ZNF462: variants seen among roughly 807,000 people sequenced by gnomAD.
ZNF462 encodes zinc finger protein 462, also known as zinc finger PBX1-interacting protein.
A neutral mutation model predicts 201.9 loss-of-function variants in ZNF462; 10 were observed. The observed-to-expected ratio is 0.05, with a 90% CI of 0.03 to 0.08. The LOEUF is 0.08. Among genes scored for constraint, ZNF462 ranks in the 10% least tolerant of loss-of-function variants. The pLI, the probability that ZNF462 is intolerant of heterozygous loss-of-function variation, is 1.00. For synonymous variants in ZNF462, 1,227 were observed against 1,193.3 expected (o/e 1.03, Z -0.58); for missense variants, 2,523 against 3,168.3 (o/e 0.80, Z 4.89).
chr9:106,955,083 G>C (rs1290544354), intron 7 of ZNF462, among the ~76,000 whole-genome samples: 35 of 152,112 alleles, frequency 2.3e-4, no homozygotes, highest in Non-Finnish European at 2.9e-5. Context: ...ATGGGCATTT[G>C]TTTGATTGTT....
rs774384677 is a variant in ZNF462 at position 107,008,405 on chromosome 9, A to G, written c.7190-1140A>G. Among the ~76,000 whole-genome samples the G allele has an allele frequency of 3.9e-5, 6 of 152,148 alleles. No homozygotes were observed. Among genetic ancestry groups the G allele is most frequent in the Admixed American group, 2.6e-4 (4 of 15,264 alleles). On this transcript the variant is annotated intron_variant, in intron 11 of 12. Transcript: ENST00000277225. The surrounding 1 kb of genome is among the most constrained non-coding windows in gnomAD (Gnocchi z 4.8). Reference sequence around the variant, plus strand: ...AGATTAAGGCATCACAGAGCCCCCCATCCTGTTAACATCGTCCTGAGAATC... The same window carrying G: ...AGATTAAGGCATCACAGAGCCCCCCGTCCTGTTAACATCGTCCTGAGAATC...
chr9:106,948,903 A>G (rs927344972), intron 7 of ZNF462, among the ~76,000 whole-genome samples: 2 of 152,058 alleles, frequency 1.3e-5, no homozygotes, highest in Non-Finnish European at 2.9e-5. Flanking sequence ...TCTCAGAGTT[A>G]TAGAAGGCCT....
intron 10 of ZNF462, among the ~76,000 whole-genome samples, chr9:107,000,390 A>G (rs1027050516): frequency 6.6e-6 from 1 of 152,050 alleles, no homozygotes; most frequent in African/African-American, 2.4e-5. Context: ...AAGGGACAAG[A>G]GTAGGTGCTA....
At chr9:106,980,136 G>A (rs754499677) in intron 9 of ZNF462, among the ~76,000 whole-genome samples, 2 of 152,140 alleles carry the variant, frequency 1.3e-5, no homozygotes, top group Non-Finnish European at 2.9e-5. Context: ...GCCATTTCCA[G>A]TTCCTTCTAG....
chr9:106,871,550 G>C (rs1007132492), intron 1 of ZNF462, among the ~76,000 whole-genome samples: 2 of 152,300 alleles, frequency 1.3e-5, no homozygotes, highest in South Asian at 4.1e-4. Flanking sequence ...AGCGATTATA[G>C]CAAGTAGAAA....
At chr9:106,967,558 C>T (rs1488724360) in intron 7 of ZNF462, among the ~76,000 whole-genome samples, 1 of 151,812 alleles carries the variant, frequency 6.6e-6, no homozygotes, top group African/African-American at 2.4e-5. Flanking sequence ...AGGGTTAGGA[C>T]ATCCCATTTA....
intron 1 of ZNF462, among the ~76,000 whole-genome samples, chr9:106,915,790 G>A (rs1588048441): frequency 6.6e-6 from 1 of 152,190 alleles, no homozygotes; most frequent in African/African-American, 2.4e-5. Context: ...GAAAGCAGGG[G>A]TTTAGGACTT....
At position 106,924,802 on chromosome 9, in the gene ZNF462, C is replaced by G. The variant is rs1830123953; in HGVS notation, c.890C>G (p.Thr297Ser). The change falls in exon 3 of 13, where the codon ACT becomes AGT. Residue 297 changes from threonine to serine, a missense_variant. Thr to Ser is a moderately conservative substitution (Grantham distance 58, BLOSUM62 1). This residue lies in a region of ZNF462 where 480 missense variants were observed against 544.4 expected (regional missense o/e 0.88). Coordinates refer to ENST00000277225, the MANE Select transcript of ZNF462 (RefSeq NM_021224.6). This position sits in a 1 kb window ranked among gnomAD's most constrained non-coding sequence, Gnocchi z 6.2. ...CCGAACAAGAGTGCCCCCAGCCCCA[C>G]TTCCAACTCCACCTATCTGACCATG... ...DVPNKSAPSP[T>S]SNSTYLTMNA... is the part of the protein sequence containing the mutation. 4 of 1,614,238 alleles carry G rather than the reference C, an allele frequency of 2.5e-6. No homozygotes were observed. The highest frequency in any genetic ancestry group is 1.3e-5 in the African/African-American group (1 of 75,056).
intron 1 of ZNF462, among the ~76,000 whole-genome samples, chr9:106,864,524 G>A (rs987964292): frequency 6.6e-6 from 1 of 151,996 alleles, no homozygotes; most frequent in Non-Finnish European, 1.5e-5. Context: ...GTCTGCTTTG[G>A]TTCCAGTCCA....
chr9:106,902,681 C>G lies in ZNF462; in HGVS notation c.-30-20673C>G, dbSNP rs1166800030. Among the ~76,000 whole-genome samples, 1 of 152,162 alleles carries G rather than the reference C, an allele frequency of 6.6e-6. No individual in the cohort carries two copies. Among genetic ancestry groups the G allele is most frequent in the South Asian group, 2.1e-4 (1 of 4,820 alleles). Reference sequence around the variant, plus strand: ...TGTATTTTTCCAGGAATTTATCCATCTCTCCTAGGTTTTCTAGTTTATGTG... The same window carrying G: ...TGTATTTTTCCAGGAATTTATCCATGTCTCCTAGGTTTTCTAGTTTATGTG... On this transcript the variant is annotated intron_variant, in intron 1 of 12. Coordinates refer to ENST00000277225, the MANE Select transcript of ZNF462 (RefSeq NM_021224.6). The surrounding 1 kb of genome is among the most constrained non-coding windows in gnomAD (Gnocchi z 4.2).
rs553139691 is a variant in ZNF462 at position 106,924,431 on chromosome 9, A to G, written c.519A>G (p.Arg173=). Residue 173 remains arginine (R), a synonymous_variant, in exon 3 of 13, where the codon AGA becomes AGG. Transcript: ENST00000277225. This position sits in a 1 kb window ranked among gnomAD's most constrained non-coding sequence, Gnocchi z 6.2. ...AGTTTTGCACATACAAGTCACCAAG[A>G]AGGGCAAGAATAATTAAGCATCAGA... is the stretch of plus-strand genomic sequence containing the variant. ...SCQFCTYKSP[R]RARIIKHQKM... is the part of the protein sequence containing the mutation. 6.2e-7 allele frequency: 1 copy of G among 1,614,184 alleles called. No homozygotes were observed. Among genetic ancestry groups the G allele is most frequent in the East Asian group, 2.2e-5 (1 of 44,876 alleles).
rs781148922 is a variant in ZNF462 at position 106,870,935 on chromosome 9, A to G, written c.-31+7580A>G. On this transcript the variant is annotated intron_variant, in intron 1 of 12. Coordinates refer to ENST00000277225, the MANE Select transcript of ZNF462 (RefSeq NM_021224.6). The surrounding 1 kb of genome is among the most constrained non-coding windows in gnomAD (Gnocchi z 4.3). ...TTTTCCTGTTCAGATTTAAGAAGGT[A>G]ATGCCATTATTCTTCAGTTTTGCTC... Among the ~76,000 whole-genome samples, 10 of 152,186 alleles carry G rather than the reference A, an allele frequency of 6.6e-5. No individual in the cohort carries two copies. Among genetic ancestry groups the G allele is most frequent in the African/African-American group, 1.2e-4 (5 of 41,434 alleles).
intron 7 of ZNF462, among the ~76,000 whole-genome samples, chr9:106,951,174 T>A (rs1831329615): frequency 6.6e-6 from 1 of 152,222 alleles, no homozygotes; most frequent in South Asian, 2.1e-4. Flanking sequence ...GCTTTTTAGT[T>A]ACTTTTTGAA....
intron 10 of ZNF462, among the ~76,000 whole-genome samples, chr9:106,992,051 G>A (rs1258115342): frequency 1.3e-5 from 2 of 151,796 alleles, no homozygotes; most frequent in Non-Finnish European, 2.9e-5. Context: ...AAAATGAAAA[G>A]GCAAGCAACA....
chr9:106,894,147 T>C (rs1419980118), intron 1 of ZNF462, among the ~76,000 whole-genome samples: 2 of 152,236 alleles, frequency 1.3e-5, no homozygotes, highest in Non-Finnish European at 2.9e-5. Context: ...ATCTGACCAT[T>C]GTTAATTGAT....
intron 8 of ZNF462, among the ~76,000 whole-genome samples, chr9:106,973,812 C>CT (rs1232629276): frequency 2.0e-5 from 3 of 151,810 alleles, no homozygotes; most frequent in Non-Finnish European, 4.4e-5. Context: ...AAAATAGTTC[C>CT]TTTTTTGGGA....
intron 7 of ZNF462, 55 bp from the exon 8 acceptor site, chr9:106,971,950 T>C: frequency 6.5e-7 from 1 of 1,549,954 alleles, no homozygotes; most frequent in Non-Finnish European, 8.7e-7. Context: ...TTTTCAAGCA[T>C]CGATCACCTA....
chr9:106,915,509 A>AT (rs1829735326), intron 1 of ZNF462, among the ~76,000 whole-genome samples: 1 of 152,218 alleles, frequency 6.6e-6, no homozygotes, highest in Non-Finnish European at 1.5e-5. Flanking sequence ...AACATTTCTA[A>AT]TTTTGGAGTA....
intron 7 of ZNF462, among the ~76,000 whole-genome samples, chr9:106,965,110 CT>C (rs1251570858): frequency 2.6e-5 from 4 of 152,034 alleles, no homozygotes; most frequent in Non-Finnish European, 5.9e-5. Flanking sequence ...GTTCGGATTG[CT>C]GGGAAAAATC....
Sources: allele counts gnomAD v4.1 joint callset (sites outside exome capture counted in the v4.1 genomes callset), GRCh38; gene constraint gnomAD v4.1.1; regional missense constraint gnomAD v4.1.1; non-coding constraint Gnocchi (gnomAD v3.1); transcripts MANE v1.5; gene names NCBI Gene and HGNC (gene_info 2026-07-23, HGNC 2026-07-21).